Variants in TTC21B observed in about 807,000 individuals in gnomAD.
TTC21B encodes tetratricopeptide repeat protein 21B.
Under a neutral mutation model 175.1 loss-of-function variants are expected in TTC21B, and 127 were observed. The observed-to-expected ratio is 0.73, with a 90% confidence interval of 0.63 to 0.84. The LOEUF is 0.84. Among genes scored for constraint, TTC21B ranks in the 40% least tolerant of loss-of-function variants. The pLI is 0.00. For synonymous variants in TTC21B, 524 were observed against 524.5 expected, an observed-to-expected ratio of 1.00 and a Z score of 0.01; for missense variants, 1,561 against 1,558.3, an observed-to-expected ratio of 1.00 and a Z score of -0.03.
At position 165,884,578 on chromosome 2, in the gene TTC21B, T is replaced by C. The variant is rs965316654; in HGVS notation, c.3460-560A>G. Among the ~76,000 whole-genome samples the C allele has an allele frequency of 2.0e-5, 3 of 152,162 alleles. No homozygotes were observed. In the East Asian group the frequency reaches 5.8e-4, roughly 29 times the overall value. On this transcript the variant is annotated intron_variant, in intron 25 of 28. Coordinates refer to ENST00000243344, the MANE Select transcript of TTC21B (RefSeq NM_024753.5). The stretch of plus-strand genomic sequence containing the variant: ...ATAACGAAATGTTAAAAATAAGGCA[T>C]ATAATTAATTCACCACTTGGAAAGT...
At chr2:165,885,674 A>T (rs1309299146) in intron 25 of TTC21B, among the ~76,000 whole-genome samples, 3 of 152,206 alleles carry the variant, frequency 2.0e-5, no homozygotes, top group Non-Finnish European at 4.4e-5. Context: ...TTCCCTCTAC[A>T]CTACACAATT....
In TTC21B at chr2:165,880,578, AAT is replaced by A. The variant is rs1162924849; in HGVS notation, c.3805+99_3805+100del. 32 of 1,254,632 alleles carry A rather than the reference AAT, an allele frequency of 2.6e-5. No individual in the cohort carries two copies. In the East Asian group the frequency reaches 7.2e-4, roughly 28 times the overall value. The allele number at this position is 1,254,632 out of a possible 1,614,324, so 77.7% of individuals were successfully genotyped here. A position where few individuals can be genotyped will look rare whatever the true frequency, so the allele number is the denominator to read the frequency against. ...AAAGGTTGACAATGAAAATTGACTCAATGTTTATTTTGTTTTGAAAAAAATCA... is the reference window on the plus strand; with the variant it reads ...AAAGGTTGACAATGAAAATTGACTCAGTTTATTTTGTTTTGAAAAAAATCA... On this transcript the variant is annotated intron_variant, in intron 27 of 28. Coordinates refer to ENST00000243344, the MANE Select transcript of TTC21B (RefSeq NM_024753.5).
In TTC21B at chr2:165,880,722, A is replaced by G. The variant is rs1684808171; in HGVS notation, c.3762T>C (p.Tyr1254=). Residue 1254 remains tyrosine, a synonymous_variant, in exon 27 of 29, where the codon TAT becomes TAC. Coordinates refer to ENST00000243344, the MANE Select transcript of TTC21B (RefSeq NM_024753.5). Reference sequence around the variant, plus strand: ...GATTGCTATATTTCCATGCCATCTCATAGTTCAAGGCAGCATCTGTATATG... The same window carrying G: ...GATTGCTATATTTCCATGCCATCTCGTAGTTCAAGGCAGCATCTGTATATG... The part of the protein sequence containing the change: ...EQAYTDAALN[Y]EMAWKYSNRT... The G allele has an allele frequency of 9.9e-6, 16 of 1,613,632 alleles. No individual in the cohort carries two copies. The highest frequency in any genetic ancestry group is 1.4e-5 in the Non-Finnish European group (16 of 1,179,792).
intron 6 of TTC21B, among the ~76,000 whole-genome samples, chr2:165,938,584 A>T (rs1348952822): frequency 6.6e-6 from 1 of 152,218 alleles, no homozygotes; most frequent in East Asian, 1.9e-4. Flanking sequence ...TAAAGCAACA[A>T]GTTGTACTAC....
chr2:165,886,819 T>G (rs1476934949), intron 25 of TTC21B, among the ~76,000 whole-genome samples: 5 of 152,190 alleles, frequency 3.3e-5, no homozygotes, highest in Non-Finnish European at 7.3e-5. Flanking sequence ...CTATGGCACC[T>G]GACATGAGAA....
chr2:165,902,681 T>C (rs1685608218), intron 19 of TTC21B, among the ~76,000 whole-genome samples: 1 of 152,254 alleles, frequency 6.6e-6, no homozygotes, highest in African/African-American at 2.4e-5. Flanking sequence ...TATATGTACC[T>C]TTATGTGTTT....
intron 20 of TTC21B, 74 bp downstream of exon 20, chr2:165,901,648 T>C: frequency 2.1e-6 from 3 of 1,444,664 alleles, no homozygotes; most frequent in Non-Finnish European, 2.9e-6. Flanking sequence ...AATAAGCTGG[T>C]AAAAATTTTA....
At chr2:165,952,488 T>C (rs1687788890) in intron 1 of TTC21B, among the ~76,000 whole-genome samples, 1 of 152,188 alleles carries the variant, frequency 6.6e-6, no homozygotes, top group Non-Finnish European at 1.5e-5. Context: ...GAGTATTGGA[T>C]GATGAGGTTG....
Position 165,898,633 on chromosome 2 carries a change from A to G in TTC21B, c.2950+53T>C, listed in dbSNP as rs1273963609. 1.4e-5 allele frequency: 17 copies of G among 1,209,054 alleles called. No individual in the cohort carries two copies. The East Asian group carries it at 3.7e-4, about 26-fold the overall frequency. 74.9% of individuals were successfully genotyped at this position (1,209,054 alleles called of 1,614,324 possible). On this transcript the variant is annotated intron_variant, in intron 22 of 28. Transcript: ENST00000243344. ...GCATAACCACTAAACAGAAGAAAAA[A>G]GGAGAAAGGGAGGGGTGACTGCACT...
intron 4 of TTC21B, 59 bp from the exon 5 acceptor site, chr2:165,943,400 GA>G: frequency 7.5e-7 from 1 of 1,326,718 alleles, no homozygotes; most frequent in South Asian, 1.3e-5. Flanking sequence ...AAATGTTAAT[GA>G]AAGAGCCTAA....
intron 21 of TTC21B, among the ~76,000 whole-genome samples, chr2:165,899,395 T>C (rs902341890): frequency 3.3e-5 from 5 of 152,272 alleles, no homozygotes; most frequent in African/African-American, 7.2e-5. Context: ...TTGTTTTTTT[T>C]CCCCTGTAAC....
chr2:165,889,320 T>C (rs767019909), intron 24 of TTC21B, among the ~76,000 whole-genome samples: 2 of 152,160 alleles, frequency 1.3e-5, no homozygotes, highest in Non-Finnish European at 2.9e-5. Context: ...TTCACCATGC[T>C]GATTGCCCTT....
intron 5 of TTC21B, among the ~76,000 whole-genome samples, chr2:165,942,457 A>G (rs1006011074): frequency 1.3e-5 from 2 of 152,026 alleles, no homozygotes; most frequent in Admixed American, 1.3e-4. Flanking sequence ...TCTGTTCAAA[A>G]CTTTGTATTG....
At chr2:165,905,557 C>T (rs775319739) in intron 19 of TTC21B, among the ~76,000 whole-genome samples, 1 of 151,866 alleles carries the variant, frequency 6.6e-6, no homozygotes, top group Non-Finnish European at 1.5e-5. Flanking sequence ...ATGAAGAAGG[C>T]CATTTTATTA....
intron 19 of TTC21B, among the ~76,000 whole-genome samples, chr2:165,905,412 T>A (rs954909950): frequency 9.9e-5 from 15 of 152,120 alleles, no homozygotes; most frequent in African/African-American, 3.6e-4. Flanking sequence ...TGCTGACAGA[T>A]CTTAAACATA....
At position 165,912,608 on chromosome 2, in the gene TTC21B, A is replaced by T. The variant is rs1335725291; in HGVS notation, c.2228T>A (p.Val743Glu). 1.2e-6 allele frequency: 2 copies of T among 1,613,958 alleles called. No homozygotes were observed. Among genetic ancestry groups the T allele is most frequent in the East Asian group, 4.5e-5 (2 of 44,870 alleles). ...MNILEPEEAI[V>E]AYEQALNQNP... The stretch of plus-strand genomic sequence containing the variant: ...CTGATTTAATGCTTGCTCATATGCT[A>T]CTATGGCTTCTTCAGGCTAATATTG... The change falls in exon 17 of 29, where the codon GTA becomes GAA. Residue 743 changes from valine (V) to glutamate (E), a missense_variant. By Grantham distance (121) the Val-to-Glu change is moderately radical. Transcript: ENST00000243344.
chr2:165,895,912 GA>G lies in TTC21B; in HGVS notation c.2950+2773del, dbSNP rs1011123849. 5.9e-5 allele frequency among the ~76,000 whole-genome samples: 9 copies of G among 152,196 alleles called. No homozygotes were observed. In the South Asian group the frequency reaches 1.7e-3, roughly 28 times the overall value. Reference sequence around the variant, plus strand: ...ACTCAAAGAGTAAAAATAATAAAGAGAAAGTGTTGATATTACTGTAAAAAAC... The same window carrying G: ...ACTCAAAGAGTAAAAATAATAAAGAGAAGTGTTGATATTACTGTAAAAAAC... On this transcript the variant is annotated intron_variant, in intron 22 of 28. Coordinates refer to ENST00000243344, the MANE Select transcript of TTC21B (RefSeq NM_024753.5).
rs1169214519 is a variant in TTC21B at position 165,911,394 on chromosome 2, G to T, written c.2394C>A (p.Leu798=). Residue 798 remains leucine, a synonymous_variant, in exon 18 of 29, where the codon CTC becomes CTA. Transcript: ENST00000243344. The part of the protein sequence containing the change: ...KNYLCYDLAE[L]LLKLKWYDKA... Reference sequence around the variant, plus strand: ...TGTCATACCATTTCAATTTTAATAAGAGCTCAGCCAGGTCATAGCAAAGAT... The same window carrying T: ...TGTCATACCATTTCAATTTTAATAATAGCTCAGCCAGGTCATAGCAAAGAT... 6.2e-7 allele frequency: 1 copy of T among 1,613,806 alleles called. No homozygotes were observed. The highest frequency in any genetic ancestry group is 2.2e-5 in the East Asian group (1 of 44,798).
At position 165,919,353 on chromosome 2, in the gene TTC21B, C is replaced by A. The variant is rs747511401; in HGVS notation, c.1597G>T (p.Ala533Ser). The change falls in exon 13 of 29, where the codon GCT (alanine) becomes TCT (serine). Residue 533 changes from alanine to serine, a missense_variant. Ala to Ser is a moderately conservative substitution (Grantham distance 99). Transcript: ENST00000243344. ...PSYADAHLLL[A>S]QVYLSQEKVK... ...TTTTCTTGAGACAAGTAAACCTGAG[C>A]TAGCAGCAGATGAGCATCAGCATAA... 2 of 1,614,060 alleles carry A rather than the reference C, an allele frequency of 1.2e-6. No homozygotes were observed. Among genetic ancestry groups the A allele is most frequent in the Non-Finnish European group, 1.7e-6 (2 of 1,179,986 alleles).
Sources: gnomAD v4.1 joint callset for allele counts (sites outside exome capture counted in the v4.1 genomes callset) on GRCh38, gnomAD v4.1.1 for gene constraint, MANE v1.5 for transcripts, NCBI Gene and HGNC (gene_info 2026-07-23, HGNC 2026-07-21) for gene names.